Variants in HECW2 observed in about 807,000 individuals in gnomAD.
The protein encoded by HECW2 is HECT, C2 and WW domain containing E3 ubiquitin protein ligase 2.
A neutral mutation model predicts 175.2 loss-of-function variants in HECW2; 61 were observed. The observed-to-expected ratio is 0.35, with a 90% CI of 0.28 to 0.43. The LOEUF (loss-of-function observed/expected upper bound fraction) is 0.43. Ranked by LOEUF, HECW2 falls within the 20% of genes least tolerant of loss-of-function variation. The probability of loss-of-function intolerance (pLI) is 1.00; values close to 1 mark genes in which losing one functional copy is unlikely to be tolerated. For missense variants in HECW2, 1,524 were observed against 2,000.5 expected, an observed-to-expected ratio of 0.76 and a Z score of 4.54; for synonymous variants, 671 against 731.0, an observed-to-expected ratio of 0.92 and a Z score of 1.32.
chr2:196,414,528 T>C (rs572900097), intron 2 of HECW2, among the ~76,000 whole-genome samples: 45 of 152,192 alleles, frequency 3.0e-4, no homozygotes, highest in Non-Finnish European at 4.9e-4. Flanking sequence ...TCTCTTTCCC[T>C]CAAAGGGGCC....
intron 19 of HECW2, among the ~76,000 whole-genome samples, chr2:196,251,150 C>T (rs1226108229): frequency 6.6e-6 from 1 of 152,156 alleles, no homozygotes; most frequent in Non-Finnish European, 1.5e-5. Context: ...AGTAACCCTC[C>T]CACCTCAGCC....
intron 2 of HECW2, among the ~76,000 whole-genome samples, chr2:196,399,627 G>A (rs1407743939): frequency 1.3e-5 from 2 of 152,154 alleles, no homozygotes; most frequent in East Asian, 1.9e-4. Flanking sequence ...GACATAACCT[G>A]CCCAAGCTGA....
intron 21 of HECW2, among the ~76,000 whole-genome samples, 167 bp from the exon 22 acceptor site, chr2:196,228,421 TG>T (rs1687930503): frequency 6.6e-6 from 1 of 152,252 alleles, no homozygotes; most frequent in Non-Finnish European, 1.5e-5. Context: ...GATCTCATTG[TG>T]TCTTGACCCA....
In HECW2 at chr2:196,422,575, C is replaced by G. The variant is rs187018275; in HGVS notation, c.292+10557G>C. On this transcript the variant is annotated intron_variant, in intron 2 of 28. Coordinates refer to ENST00000644978, the MANE Select transcript of HECW2 (RefSeq NM_001348768.2). Reference sequence around the variant, plus strand: ...AGTATGAATCAAGCCCCCTGCCAACCCACACGAGACATGCAGCATTAGCAA... The same window carrying G: ...AGTATGAATCAAGCCCCCTGCCAACGCACACGAGACATGCAGCATTAGCAA... 4.6e-5 allele frequency among the ~76,000 whole-genome samples: 7 copies of G among 152,104 alleles called. No homozygotes were observed. The East Asian group carries it at 1.4e-3, about 29-fold the overall frequency.
intron 1 of HECW2, among the ~76,000 whole-genome samples, chr2:196,534,326 A>G (rs979174940): frequency 5.3e-5 from 8 of 152,186 alleles, no homozygotes; most frequent in African/African-American, 1.9e-4. Flanking sequence ...TCAACTATGT[A>G]GCCCTTCCCT....
At chr2:196,492,654 T>C (rs897989610) in intron 1 of HECW2, among the ~76,000 whole-genome samples, 1 of 152,292 alleles carries the variant, frequency 6.6e-6, no homozygotes, top group Non-Finnish European at 1.5e-5. Flanking sequence ...AAAGATACCA[T>C]TGTTATTACC....
At chr2:196,483,009 G>T (rs1472803911) in intron 1 of HECW2, among the ~76,000 whole-genome samples, 1 of 150,548 alleles carries the variant, frequency 6.6e-6, no homozygotes, top group Non-Finnish European at 1.5e-5. Flanking sequence ...AGAAAACTAA[G>T]GTGTCCCTTT....
At chr2:196,444,731 T>G (rs1022595529) in intron 1 of HECW2, among the ~76,000 whole-genome samples, 31 of 152,218 alleles carry the variant, frequency 2.0e-4, no homozygotes, top group African/African-American at 7.5e-4. Flanking sequence ...AGGGAAGGCC[T>G]CTCACAAGTA....
chr2:196,473,015 T>G (rs190131779), intron 1 of HECW2, among the ~76,000 whole-genome samples: 27 of 152,348 alleles, frequency 1.8e-4, no homozygotes, highest in African/African-American at 5.1e-4. Flanking sequence ...CATAATGAAA[T>G]TGTAGAATCT....
chr2:196,377,363 A>G (rs1230555539), intron 2 of HECW2, among the ~76,000 whole-genome samples: 2 of 152,216 alleles, frequency 1.3e-5, no homozygotes, highest in Non-Finnish European at 2.9e-5. Flanking sequence ...GCTGCTCATA[A>G]AGACATACCC....
intron 1 of HECW2, among the ~76,000 whole-genome samples, chr2:196,454,230 T>A (rs1176412204): frequency 1.3e-5 from 2 of 152,178 alleles, no homozygotes; most frequent in Non-Finnish European, 2.9e-5. Flanking sequence ...TATACATGCA[T>A]AATACATGTA....
chr2:196,556,522 T>C (rs1689800120), intron 1 of HECW2, among the ~76,000 whole-genome samples: 1 of 152,186 alleles, frequency 6.6e-6, no homozygotes, highest in South Asian at 2.1e-4. Flanking sequence ...ATAAGTGAGA[T>C]TATGCAGTAT....
intron 1 of HECW2, among the ~76,000 whole-genome samples, chr2:196,500,202 A>T (rs1301871342): frequency 6.6e-6 from 1 of 152,218 alleles, no homozygotes; most frequent in Non-Finnish European, 1.5e-5. Flanking sequence ...AAAATGCTCT[A>T]CACAACTCTA....
chr2:196,449,831 A>AT (rs140132766), intron 1 of HECW2, among the ~76,000 whole-genome samples: 11 of 151,658 alleles, frequency 7.3e-5, no homozygotes, highest in Non-Finnish European at 8.8e-5. Flanking sequence ...TCATTAATCC[A>AT]TTTTTTTTTA....
intron 27 of HECW2, 115 bp downstream of exon 27, chr2:196,216,893 A>G (rs1687494356): frequency 2.9e-6 from 2 of 679,932 alleles, no homozygotes; most frequent in Non-Finnish European, 4.7e-6. Context: ...TGTATCTCAT[A>G]TTTCCAGATA....
At chr2:196,419,722 T>C (rs2125243700) in intron 2 of HECW2, among the ~76,000 whole-genome samples, 1 of 152,350 alleles carries the variant, frequency 6.6e-6, no homozygotes, top group Non-Finnish European at 1.5e-5. Flanking sequence ...GTGGGGTGGC[T>C]ACCTGGCTAC....
intron 10 of HECW2, among the ~76,000 whole-genome samples, chr2:196,312,245 G>C (rs545988368): frequency 1.3e-5 from 2 of 151,642 alleles, no homozygotes; most frequent in Non-Finnish European, 2.9e-5. Context: ...ATCAGGGATG[G>C]GTGGGGGGGT....
At chr2:196,238,493 A>T (rs1477232190) in intron 21 of HECW2, 1 of 151,858 alleles carries the variant, frequency 6.6e-6, no homozygotes, top group Non-Finnish European at 1.5e-5. Context: ...TTTCCAGCAC[A>T]ATTACTGTTT....
chr2:196,359,287 A>G (rs930693178), intron 2 of HECW2, among the ~76,000 whole-genome samples: 2 of 152,150 alleles, frequency 1.3e-5, no homozygotes, highest in African/African-American at 4.8e-5. Flanking sequence ...GTTTCTACTG[A>G]AAATACAAAA....
Sources: allele counts gnomAD v4.1 joint callset (sites outside exome capture counted in the v4.1 genomes callset), GRCh38; gene constraint gnomAD v4.1.1; transcripts MANE v1.5; gene names NCBI Gene and HGNC (gene_info 2026-07-23, HGNC 2026-07-21).